AUTS2: variants seen among roughly 807,000 people sequenced by gnomAD.
AUTS2 encodes the protein autism susceptibility gene 2 protein.
In AUTS2, 17 loss-of-function variants were observed where a neutral mutation model predicts 112.4. The observed-to-expected ratio is 0.15, with a 90% confidence interval of 0.10 to 0.23. AUTS2 has a LOEUF of 0.23. Among genes scored for constraint, AUTS2 ranks in the 10% least tolerant of loss-of-function variants. The pLI, the probability that AUTS2 is intolerant of heterozygous loss-of-function variation, is 1.00. For missense variants in AUTS2, 1,510 were observed against 1,701.6 expected (o/e 0.89, Z 1.98); for synonymous variants, 751 against 702.7 (o/e 1.07, Z -1.09).
chr7:70,050,341 G>A (rs1477098053), intron 2 of AUTS2, among the ~76,000 whole-genome samples: 3 of 101,242 alleles, frequency 3.0e-5, no homozygotes, highest in African/African-American at 1.2e-4. Context: ...TGGCGACAGA[G>A]CAAGACTCTG....
At chr7:69,870,877 T>C (rs1793465214) in intron 1 of AUTS2, among the ~76,000 whole-genome samples, 2 of 152,228 alleles carry the variant, frequency 1.3e-5, no homozygotes, top group South Asian at 2.1e-4. Flanking sequence ...TTTAAATTGC[T>C]AGCATGAATT....
intron 4 of AUTS2, among the ~76,000 whole-genome samples, chr7:70,231,590 C>T (rs1812053159): frequency 1.3e-5 from 2 of 149,802 alleles, no homozygotes; most frequent in African/African-American, 4.9e-5. Flanking sequence ...CTACAGGCGC[C>T]CACCACCATG....
intron 4 of AUTS2, among the ~76,000 whole-genome samples, chr7:70,167,489 T>C (rs890188464): frequency 1.3e-4 from 20 of 152,150 alleles, no homozygotes; most frequent in Non-Finnish European, 2.1e-4. Flanking sequence ...TCATTGCTCA[T>C]CCCTCACATT....
chr7:69,739,226 C>T (rs1029151408), intron 1 of AUTS2, among the ~76,000 whole-genome samples: 1 of 152,122 alleles, frequency 6.6e-6, no homozygotes. Flanking sequence ...AATAACAGAG[C>T]TATTTACTAG....
intron 1 of AUTS2, among the ~76,000 whole-genome samples, chr7:69,603,541 G>A (rs893608609): frequency 8.5e-5 from 13 of 152,126 alleles, no homozygotes; most frequent in Non-Finnish European, 1.9e-4. Flanking sequence ...CAGTGAAACT[G>A]GCTGAAACAG....
intron 5 of AUTS2, among the ~76,000 whole-genome samples, chr7:70,664,159 A>C (rs939962950): frequency 3.3e-5 from 5 of 152,248 alleles, no homozygotes; most frequent in African/African-American, 1.2e-4. Context: ...ATATACAAGA[A>C]GAGAAAGACC....
intron 1 of AUTS2, among the ~76,000 whole-genome samples, chr7:69,605,909 G>A (rs1196713702): frequency 1.3e-5 from 2 of 152,184 alleles, no homozygotes; most frequent in African/African-American, 4.8e-5. Flanking sequence ...GTATTTTACT[G>A]TACTTACTGA....
intron 2 of AUTS2, among the ~76,000 whole-genome samples, chr7:69,984,626 CT>C (rs1338525672): frequency 1.3e-5 from 2 of 152,144 alleles, no homozygotes; most frequent in Non-Finnish European, 2.9e-5. Context: ...AGGTCAGACA[CT>C]TTCCCCCACG....
At chr7:70,412,604 T>C (rs1794824045) in intron 4 of AUTS2, among the ~76,000 whole-genome samples, 2 of 152,254 alleles carry the variant, frequency 1.3e-5, no homozygotes, top group African/African-American at 4.8e-5. Context: ...AGTGGGTGTT[T>C]GAAATCATTC....
At chr7:70,218,900 A>T (rs1246971947) in intron 4 of AUTS2, among the ~76,000 whole-genome samples, 2 of 152,174 alleles carry the variant, frequency 1.3e-5, no homozygotes, top group African/African-American at 4.8e-5. Context: ...ATCATATGAA[A>T]TCATCATCCC....
intron 1 of AUTS2, among the ~76,000 whole-genome samples, chr7:69,639,726 T>C (rs73167509): frequency 0.037 from 5,667 of 152,310 alleles, 139 homozygotes; most frequent in Middle Eastern, 0.058. Flanking sequence ...GAGGGTGGGT[T>C]TGGATATGGC....
intron 1 of AUTS2, among the ~76,000 whole-genome samples, chr7:69,827,025 TA>T (rs1178641481): frequency 5.9e-5 from 9 of 152,342 alleles, no homozygotes; most frequent in African/African-American, 1.4e-4. Flanking sequence ...TTGAGCTTTC[TA>T]ATTTCTTGAC....
chr7:70,271,131 A>G (rs1218427543), intron 4 of AUTS2, among the ~76,000 whole-genome samples: 3 of 152,010 alleles, frequency 2.0e-5, no homozygotes. Flanking sequence ...CTTACCTTAC[A>G]GCAGTTAAGC....
intron 2 of AUTS2, among the ~76,000 whole-genome samples, chr7:70,017,830 T>C (rs1160514397): frequency 6.7e-6 from 1 of 148,324 alleles, no homozygotes. Context: ...AATATATTTA[T>C]ATTTATAGAT....
At chr7:69,716,469 G>GA (rs1403683148) in intron 1 of AUTS2, among the ~76,000 whole-genome samples, 1 of 152,050 alleles carries the variant, frequency 6.6e-6, no homozygotes, top group Non-Finnish European at 1.5e-5. Flanking sequence ...GAGAGATAGT[G>GA]AAAAATCAAG....
At chr7:70,439,520 CAG>C (rs1341626699) in intron 5 of AUTS2, among the ~76,000 whole-genome samples, 1 of 124,986 alleles carries the variant, frequency 8.0e-6, no homozygotes, top group Non-Finnish European at 1.6e-5. Context: ...GCCTGGGCGA[CAG>C]GGCGAGACTC....
chr7:69,892,277 A>G (rs1485068551), intron 1 of AUTS2, among the ~76,000 whole-genome samples: 1 of 149,432 alleles, frequency 6.7e-6, no homozygotes, highest in Non-Finnish European at 1.5e-5. Flanking sequence ...GGTTAAAGCG[A>G]TTCTCCTGCT....
intron 1 of AUTS2, among the ~76,000 whole-genome samples, chr7:69,842,142 G>T (rs1046034776): frequency 6.6e-6 from 1 of 152,112 alleles, no homozygotes; most frequent in Non-Finnish European, 1.5e-5. Context: ...GTTTGAGAAT[G>T]CCTTATCTAG....
chr7:69,780,933 C>G (rs574742456), intron 1 of AUTS2, among the ~76,000 whole-genome samples: 1 of 152,318 alleles, frequency 6.6e-6, no homozygotes, highest in South Asian at 2.1e-4. Context: ...ATTTCAACCA[C>G]CATTTAAAGA....
Sources: gnomAD v4.1 joint callset for allele counts (sites outside exome capture counted in the v4.1 genomes callset) on GRCh38, gnomAD v4.1.1 for gene constraint, MANE v1.5 for transcripts, NCBI Gene and HGNC (gene_info 2026-07-23, HGNC 2026-07-21) for gene names.